The following KIF13A variants were observed in gnomAD, a reference collection of about 807,000 sequenced individuals.
KIF13A encodes kinesin-like protein KIF13A.
A neutral mutation model predicts 212.2 loss-of-function variants in KIF13A; 79 were observed. The observed-to-expected ratio is 0.37, with a 90% CI of 0.31 to 0.45. The LOEUF (loss-of-function observed/expected upper bound fraction) is 0.45, where lower values mean the gene tolerates loss of function less well. Ranked by LOEUF, KIF13A falls within the 20% of genes least tolerant of loss-of-function variation. KIF13A has a pLI of 1.00. For synonymous variants in KIF13A, 789 were observed against 808.6 expected (o/e 0.98, Z 0.41); for missense variants, 1,901 against 2,209.0 (o/e 0.86, Z 2.79).
chr6:17,777,428 G>C lies in KIF13A; in HGVS notation c.4093-74C>G. Reference sequence around the variant, plus strand: ...AGACAGAGTCTCACTCTGTTGCCCAGGCTGGAGTGTAGTGATGCGATCTCT... The same window carrying C: ...AGACAGAGTCTCACTCTGTTGCCCACGCTGGAGTGTAGTGATGCGATCTCT... On this transcript the variant is annotated intron_variant, in intron 33 of 38. Transcript: ENST00000259711. This position sits in a 1 kb window ranked among gnomAD's most constrained non-coding sequence, Gnocchi z 4.4. 8.0e-7 allele frequency: 1 copy of C among 1,244,050 alleles called. No individual in the cohort carries two copies. Among genetic ancestry groups the C allele is most frequent in the Non-Finnish European group, 1.2e-6 (1 of 868,762 alleles). 77.1% of individuals were successfully genotyped at this position (1,244,050 alleles called of 1,614,324 possible).
chr6:17,913,200 G>A (rs1774220763), intron 2 of KIF13A, among the ~76,000 whole-genome samples: 1 of 132,470 alleles, frequency 7.5e-6, no homozygotes, highest in African/African-American at 2.6e-5. Flanking sequence ...ATAGCAAAGG[G>A]CAGGCAGGAC....
chr6:17,771,074 C>T lies in KIF13A; in HGVS notation c.4581+40G>A, dbSNP rs767412981. On this transcript the variant is annotated intron_variant, in intron 38 of 38. Coordinates refer to ENST00000259711, the MANE Select transcript of KIF13A (RefSeq NM_022113.6). The surrounding 1 kb of genome is among the most constrained non-coding windows in gnomAD (Gnocchi z 5.4). ...ATTGTCTGTGAAAGGGCCTTAAACC[C>T]ACCACCAGGCAATATGACAGAAATG... 4.4e-6 allele frequency: 6 copies of T among 1,370,098 alleles called. No individual in the cohort carries two copies. The highest frequency in any genetic ancestry group is 2.9e-5 in the African/African-American group (2 of 70,166). 84.9% of individuals were successfully genotyped at this position (1,370,098 alleles called of 1,614,324 possible).
chr6:17,946,744 C>G (rs1295190370), intron 2 of KIF13A, among the ~76,000 whole-genome samples: 2 of 152,150 alleles, frequency 1.3e-5, no homozygotes, highest in Non-Finnish European at 2.9e-5. Context: ...TCCAGCAATC[C>G]AAATGTTCAT....
downstream of KIF13A, among the ~76,000 whole-genome samples, chr6:17,762,210 T>A (rs1292111362): frequency 7.2e-6 from 1 of 138,484 alleles, no homozygotes; most frequent in Non-Finnish European, 1.6e-5. Context: ...CAGGTGAATT[T>A]GAATTTTTTT....
chr6:17,886,657 C>T lies in KIF13A; in HGVS notation c.159+11511G>A, dbSNP rs1419160530. Among the ~76,000 whole-genome samples, 1 of 152,018 alleles carries T rather than the reference C, an allele frequency of 6.6e-6. No homozygotes were observed. The highest frequency in any genetic ancestry group is 1.5e-5 in the Non-Finnish European group (1 of 68,010). On this transcript the variant is annotated intron_variant, in intron 3 of 38. Coordinates refer to ENST00000259711, the MANE Select transcript of KIF13A (RefSeq NM_022113.6). This position sits in a 1 kb window ranked among gnomAD's most constrained non-coding sequence, Gnocchi z 5.6. ...ACATTTGGTTCTGAACAAAGTCGGG[C>T]AGAAGGAAAGGGGAGAGTAGAACCT...
chr6:17,828,057 T>C lies in KIF13A; in HGVS notation c.1532+183A>G, dbSNP rs1184105876. ...GTTATGGATTAAGTGGAACTAGAAC[T>C]CGCATACAAAAATAGTCACTCCTTC... On this transcript the variant is annotated intron_variant, in intron 14 of 38. Coordinates refer to ENST00000259711, the MANE Select transcript of KIF13A (RefSeq NM_022113.6). The surrounding 1 kb of genome is among the most constrained non-coding windows in gnomAD (Gnocchi z 4.3). Among the ~76,000 whole-genome samples, 1 of 152,148 alleles carries C rather than the reference T, an allele frequency of 6.6e-6. No individual in the cohort carries two copies. The highest frequency in any genetic ancestry group is 1.5e-5 in the Non-Finnish European group (1 of 68,018).
At chr6:17,779,708 T>G in intron 31 of KIF13A, 24 bp from the exon 32 acceptor site, 1 of 988,694 alleles carries the variant, frequency 1.0e-6, no homozygotes, top group Non-Finnish European at 1.6e-6. Flanking sequence ...AAAAAAGCTG[T>G]ATTAAGCTAT....
At chr6:17,959,173 A>G (rs747107524) in intron 2 of KIF13A, among the ~76,000 whole-genome samples, 1 of 152,174 alleles carries the variant, frequency 6.6e-6, no homozygotes, top group Non-Finnish European at 1.5e-5. Context: ...AAGGAGCTAC[A>G]TACATCTTAT....
chr6:17,958,545 T>C (rs1778543785), intron 2 of KIF13A, among the ~76,000 whole-genome samples: 1 of 152,216 alleles, frequency 6.6e-6, no homozygotes, highest in Non-Finnish European at 1.5e-5. Flanking sequence ...AAGTATTCTC[T>C]ATAGATGTAG....
downstream of KIF13A, among the ~76,000 whole-genome samples, chr6:17,762,800 T>C (rs1426324869): frequency 6.6e-6 from 1 of 152,228 alleles, no homozygotes; most frequent in Non-Finnish European, 1.5e-5. Flanking sequence ...GTCTTTTTCT[T>C]GTCAGAGATG....
chr6:17,760,393 C>T (rs115051018), downstream of KIF13A: 1,115 of 153,376 alleles, frequency 7.3e-3, 12 homozygotes, highest in Middle Eastern at 0.034. Flanking sequence ...TTTTAGTGTG[C>T]AGCCTTGTCT....
At chr6:17,765,166 T>C (rs1177264931) in intron 38 of KIF13A, among the ~76,000 whole-genome samples, 1 of 152,238 alleles carries the variant, frequency 6.6e-6, no homozygotes, top group Non-Finnish European at 1.5e-5. Context: ...TCATCTAATA[T>C]GAAGGGGATT....
Position 17,851,982 on chromosome 6 carries a change from TA to T in KIF13A, c.554del (p.Leu185TyrfsTer4). 2 of 1,552,698 alleles carry T rather than the reference TA, an allele frequency of 1.3e-6. No individual in the cohort carries two copies. Among genetic ancestry groups the T allele is most frequent in the African/African-American group, 1.4e-5 (1 of 72,396 alleles). On this transcript the variant is annotated frameshift_variant, in exon 7 of 39. Transcript: ENST00000259711. LOFTEE classifies it high-confidence loss of function. ...HKVLGPYVDG[L>X]SQLAVTSFED... is the part of the protein sequence containing the mutation. Reference sequence around the variant, plus strand: ...CAAAACTAGTGACAGCTAGTTGAGATAAACCATCTACATATGGTCCCAAAAC... The same window carrying T: ...CAAAACTAGTGACAGCTAGTTGAGATAACCATCTACATATGGTCCCAAAAC...
chr6:17,917,446 G>T (rs941130329), intron 2 of KIF13A, among the ~76,000 whole-genome samples: 8 of 151,808 alleles, frequency 5.3e-5, no homozygotes, highest in Admixed American at 1.3e-4. Context: ...TCGCTATGTT[G>T]CCCAGGCTGG....
chr6:17,884,591 T>G (rs929483036), intron 3 of KIF13A, among the ~76,000 whole-genome samples: 1 of 152,112 alleles, frequency 6.6e-6, no homozygotes, highest in Non-Finnish European at 1.5e-5. Context: ...GACTGTTTGG[T>G]TCTGTGTCAA....
chr6:17,852,747 T>C (rs1446760108), intron 6 of KIF13A, among the ~76,000 whole-genome samples: 1 of 152,198 alleles, frequency 6.6e-6, no homozygotes, highest in African/African-American at 2.4e-5. Context: ...GTAGACAGTA[T>C]TAAAACATTT....
At chr6:17,760,940 A>T (rs1324369504), downstream of KIF13A, 1 of 1,558,702 alleles carries the variant, frequency 6.4e-7, no homozygotes, top group Non-Finnish European at 8.8e-7. Flanking sequence ...CACCCACAGC[A>T]CCTACTCTCA....
Position 17,800,049 on chromosome 6 carries a change from T to C in KIF13A, c.2519A>G (p.Glu840Gly), listed in dbSNP as rs1459390704. 6.2e-7 allele frequency: 1 copy of C among 1,614,010 alleles called. No homozygotes were observed. Among genetic ancestry groups the C allele is most frequent in the Admixed American group, 1.7e-5 (1 of 60,020 alleles). ...ACTGGAATTCTCCGAAGAGTCATCC[T>C]CCACCACACGCTCTGGAACAGCTCC... ...VTGAVPERVV[E>G]DDSSENSSES... is the part of the protein sequence containing the mutation. Residue 840 changes from glutamate to glycine, a missense_variant, in exon 21 of 39, where the codon GAG becomes GGG. Transcript: ENST00000259711.
chr6:17,871,213 G>A lies in KIF13A; in HGVS notation c.220+2164C>T, dbSNP rs1310785209. Reference sequence around the variant, plus strand: ...CTGATATATGTATCCCTTGTGGAATGGCTGAATCAGGCGATTTAATGTATG... The same window carrying A: ...CTGATATATGTATCCCTTGTGGAATAGCTGAATCAGGCGATTTAATGTATG... On this transcript the variant is annotated intron_variant, in intron 4 of 38. Coordinates refer to ENST00000259711, the MANE Select transcript of KIF13A (RefSeq NM_022113.6). This position sits in a 1 kb window ranked among gnomAD's most constrained non-coding sequence, Gnocchi z 4.4. Among the ~76,000 whole-genome samples, 1 of 152,140 alleles carries A rather than the reference G, an allele frequency of 6.6e-6. No homozygotes were observed. Among genetic ancestry groups the A allele is most frequent in the Non-Finnish European group, 1.5e-5 (1 of 68,036 alleles).
Sources: gnomAD v4.1 joint callset for allele counts (sites outside exome capture counted in the v4.1 genomes callset) on GRCh38, gnomAD v4.1.1 for gene constraint, Gnocchi (gnomAD v3.1) non-coding constraint, MANE v1.5 for transcripts, NCBI Gene and HGNC (gene_info 2026-07-23, HGNC 2026-07-21) for gene names.